ADGRV1: variants seen among roughly 807,000 people sequenced by gnomAD.
ADGRV1 encodes the protein G-protein coupled receptor 98.
A neutral mutation model predicts 596.2 loss-of-function variants in ADGRV1; 359 were observed. The observed-to-expected ratio is 0.60, with a 90% CI of 0.55 to 0.66. The LOEUF is 0.66. Ranked by LOEUF, ADGRV1 falls within the 30% of genes least tolerant of loss-of-function variation. The pLI, the probability that ADGRV1 is intolerant of heterozygous loss-of-function variation, is 0.00. For missense variants in ADGRV1, 7,274 were observed against 7,575.6 expected, an observed-to-expected ratio of 0.96 and a Z score of 1.48; for synonymous variants, 2,681 against 2,679.2, an observed-to-expected ratio of 1.00 and a Z score of -0.02.
intron 83 of ADGRV1, among the ~76,000 whole-genome samples, chr5:90,865,257 C>T (rs906964158): frequency 3.3e-5 from 5 of 152,084 alleles, no homozygotes; most frequent in Non-Finnish European, 7.4e-5. Flanking sequence ...TGTCTGATCT[C>T]GCCTTTGCTT....
In ADGRV1 at chr5:90,694,523, T is replaced by G. The variant is rs1285054801; in HGVS notation, c.7767T>G (p.Thr2589=). Residue 2589 remains threonine, a synonymous_variant, in exon 33 of 90, where the codon ACT becomes ACG. Transcript: ENST00000405460. ...VFVIYNISPN[T]SEDGLFVEVQ... ...TGATCTACAATATTAGTCCCAATAC[T>G]TCCGAAGATGGCTTATTTGTTGAAG... is the stretch of plus-strand genomic sequence containing the variant. 1 of 1,613,794 alleles carries G rather than the reference T, an allele frequency of 6.2e-7. No individual in the cohort carries two copies. The highest frequency in any genetic ancestry group is 1.3e-5 in the African/African-American group (1 of 74,904).
At position 90,683,836 on chromosome 5, in the gene ADGRV1, G is replaced by C. The variant is rs1166453417; in HGVS notation, c.5915G>C (p.Ser1972Thr). ...HINATLTVLASDDPYGIFIFS... is the reference protein window; with the variant it reads ...HINATLTVLATDDPYGIFIFS... ...AATGCCACGTTAACAGTTTTGGCTAGTGATGATCCATATGGGATATTCATT... is the reference window on the plus strand; with the variant it reads ...AATGCCACGTTAACAGTTTTGGCTACTGATGATCCATATGGGATATTCATT... The change falls in exon 28 of 90, where the codon AGT (serine) becomes ACT (threonine). Residue 1972 changes from serine (S) to threonine (T), a missense_variant. By Grantham distance (58) the Ser-to-Thr change is moderately conservative. Around this residue, in one of 5 missense-constraint regions of ADGRV1, gnomAD observed 3,643 missense variants for 3,809.2 expected, o/e 0.96. Transcript: ENST00000405460. 1 of 1,613,652 alleles carries C rather than the reference G, an allele frequency of 6.2e-7. No homozygotes were observed. The highest frequency in any genetic ancestry group is 8.5e-7 in the Non-Finnish European group (1 of 1,179,848).
chr5:91,104,277 G>A (rs1582069872), intron 87 of ADGRV1, among the ~76,000 whole-genome samples: 2 of 152,110 alleles, frequency 1.3e-5, no homozygotes, highest in African/African-American at 4.8e-5. Flanking sequence ...TTTGACAGTT[G>A]TTACAGAGAT....
chr5:90,570,239 C>T (rs1301215651), intron 1 of ADGRV1, among the ~76,000 whole-genome samples: 1 of 152,116 alleles, frequency 6.6e-6, no homozygotes, highest in African/African-American at 2.4e-5. Flanking sequence ...TATTGTCTTT[C>T]AGCACTTTGA....
chr5:90,764,684 T>C (rs1022546033), intron 59 of ADGRV1, among the ~76,000 whole-genome samples: 1 of 152,154 alleles, frequency 6.6e-6, no homozygotes, highest in African/African-American at 2.4e-5. Flanking sequence ...TTTAGCCCCC[T>C]GGGACCCACC....
At chr5:90,683,259 G>A (rs570533260) in intron 27 of ADGRV1, among the ~76,000 whole-genome samples, 1 of 151,778 alleles carries the variant, frequency 6.6e-6, no homozygotes, top group Non-Finnish European at 1.5e-5. Flanking sequence ...TGCCCAGGCT[G>A]GAGTGCAGTG....
rs534449869 is a variant in ADGRV1, at chr5:90,783,852, C to G, written c.13448C>G (p.Pro4483Arg). 1.0e-5 allele frequency: 16 copies of G among 1,606,288 alleles called. No individual in the cohort carries two copies. The African/African-American group carries it at 2.1e-4, about 21-fold the overall frequency. Residue 4483 changes from proline to arginine, a missense_variant, in exon 67 of 90, where the codon CCC becomes CGC. Physicochemically the swap from Pro to Arg is moderately radical, Grantham distance 103 (BLOSUM62 -2). Around this residue, in one of 5 missense-constraint regions of ADGRV1, gnomAD observed 3,643 missense variants for 3,809.2 expected, o/e 0.96. Coordinates refer to ENST00000405460, the MANE Select transcript of ADGRV1 (RefSeq NM_032119.4). ...IDDNESEFEEPIEILLTGATG... is the reference protein window; with the variant it reads ...IDDNESEFEERIEILLTGATG... ...TTGCCATGCAGTGAATTTGAGGAGCCCATTGAAATTCTACTCACTGGAGCT... is the reference window on the plus strand; with the variant it reads ...TTGCCATGCAGTGAATTTGAGGAGCGCATTGAAATTCTACTCACTGGAGCT...
chr5:90,904,865 T>C (rs1332089764), intron 83 of ADGRV1, among the ~76,000 whole-genome samples: 2 of 151,852 alleles, frequency 1.3e-5, no homozygotes, highest in Non-Finnish European at 2.9e-5. Context: ...CTTCATAGTT[T>C]GAGGTCTTAG....
intron 85 of ADGRV1, among the ~76,000 whole-genome samples, chr5:91,054,752 A>G (rs1786686508): frequency 6.6e-6 from 1 of 152,128 alleles, no homozygotes; most frequent in Non-Finnish European, 1.5e-5. Flanking sequence ...TCCTCCTAAT[A>G]CCATCACGTT....
chr5:90,945,975 C>T (rs1776539799), intron 83 of ADGRV1, among the ~76,000 whole-genome samples: 1 of 125,062 alleles, frequency 8.0e-6, no homozygotes, highest in African/African-American at 2.7e-5. Flanking sequence ...GAGTGAGACC[C>T]TTTCTCAAAA....
chr5:91,039,908 ACTACTC>A (rs1785201980), intron 85 of ADGRV1, among the ~76,000 whole-genome samples: 1 of 152,176 alleles, frequency 6.6e-6, no homozygotes, highest in Non-Finnish European at 1.5e-5. Context: ...TGGCTATTTT[ACTACTC>A]TTAAATTAGA....
At chr5:90,883,415 T>C (rs1769983079) in intron 83 of ADGRV1, among the ~76,000 whole-genome samples, 1 of 152,184 alleles carries the variant, frequency 6.6e-6, no homozygotes, top group Admixed American at 6.5e-5. Context: ...TAAAATCCAG[T>C]AGTGAGGTAT....
intron 85 of ADGRV1, among the ~76,000 whole-genome samples, chr5:91,043,144 A>C (rs143469234): frequency 6.6e-6 from 1 of 152,132 alleles, no homozygotes; most frequent in Non-Finnish European, 1.5e-5. Flanking sequence ...TCTGTACTTC[A>C]TTATTTCAGA....
In ADGRV1 at chr5:91,153,235, G is replaced by A. The variant is rs2126914127; in HGVS notation, c.18639G>A (p.Trp6213Ter). 1 of 1,606,584 alleles carries A rather than the reference G, an allele frequency of 6.2e-7. No individual in the cohort carries two copies. The highest frequency in any genetic ancestry group is 8.5e-7 in the Non-Finnish European group (1 of 1,176,380). ...IGAMEEVPPD[W>*]ERASFQQGSQ... ...AATCTAAAAAGGTGCCACCTGACTG[G>A]GAGAGAGCATCCTTCCAACAGGGCA... The change falls in exon 89 of 90, where the codon TGG (tryptophan) becomes TGA (stop). Residue 6213 changes from tryptophan (W) to a stop codon, truncating the protein, a stop_gained. Coordinates refer to ENST00000405460, the MANE Select transcript of ADGRV1 (RefSeq NM_032119.4). LOFTEE classifies it high-confidence loss of function.
chr5:90,578,681 G>T (rs1757557095), intron 1 of ADGRV1, among the ~76,000 whole-genome samples: 1 of 152,234 alleles, frequency 6.6e-6, no homozygotes, highest in African/African-American at 2.4e-5. Flanking sequence ...AGTTCCAGAA[G>T]GAATGGTACC....
chr5:91,020,171 G>A (rs963514739), intron 85 of ADGRV1, among the ~76,000 whole-genome samples: 1 of 151,976 alleles, frequency 6.6e-6, no homozygotes, highest in East Asian at 1.9e-4. Flanking sequence ...TTATTTCTGA[G>A]TAAGTCCCAG....
intron 76 of ADGRV1, among the ~76,000 whole-genome samples, chr5:90,825,472 T>C (rs927297391): frequency 6.6e-6 from 1 of 152,232 alleles, no homozygotes; most frequent in Non-Finnish European, 1.5e-5. Context: ...TTCATAAATA[T>C]GTTTTGCATA....
At chr5:90,753,272 T>G (rs1226945917) in intron 53 of ADGRV1, among the ~76,000 whole-genome samples, 1 of 152,158 alleles carries the variant, frequency 6.6e-6, no homozygotes, top group Non-Finnish European at 1.5e-5. Context: ...TATCTAGAAC[T>G]TAGATTCCCA....
At chr5:90,860,796 G>A (rs941361250) in intron 82 of ADGRV1, among the ~76,000 whole-genome samples, 1 of 151,052 alleles carries the variant, frequency 6.6e-6, no homozygotes, top group Non-Finnish European at 1.5e-5. Context: ...GGTTTTATTT[G>A]GATTTATCTG....
Sources: allele counts gnomAD v4.1 joint callset (sites outside exome capture counted in the v4.1 genomes callset), GRCh38; gene constraint gnomAD v4.1.1; regional missense constraint gnomAD v4.1.1; transcripts MANE v1.5; gene names NCBI Gene and HGNC (gene_info 2026-07-23, HGNC 2026-07-21).